Variants in PARP4 observed in about 807,000 individuals in gnomAD.
The protein encoded by PARP4 is protein mono-ADP-ribosyltransferase PARP4.
Under a neutral mutation model 187.7 loss-of-function variants are expected in PARP4, and 120 were observed. The ratio of observed to expected loss-of-function variants is 0.64; its 90% CI spans 0.55 to 0.74. PARP4 has a LOEUF of 0.74. PARP4 is among the 30% of genes least tolerant of loss of function. The pLI is 0.00. For synonymous variants in PARP4, 654 were observed against 740.9 expected (o/e 0.88, Z 1.90); for missense variants, 1,836 against 2,070.5 (o/e 0.89, Z 2.20).
chr13:24,500,247 T>G, intron 4 of PARP4, 69 bp downstream of exon 4: 1 of 779,574 alleles, frequency 1.3e-6, no homozygotes, highest in Non-Finnish European at 2.1e-6. Flanking sequence ...ATTTTAATAC[T>G]GTGCTTGAGG....
chr13:24,453,539 G>T, intron 23 of PARP4, 48 bp downstream of exon 23: 1 of 1,182,330 alleles, frequency 8.5e-7, no homozygotes, highest in Non-Finnish European at 1.3e-6. Context: ...TCCCCTTAAA[G>T]CATGGTAGGA....
In PARP4 at chr13:24,455,145, A is replaced by C; in HGVS notation, c.2630T>G (p.Val877Gly). The C allele has an allele frequency of 6.2e-7, 1 of 1,612,562 alleles. No homozygotes were observed. The highest frequency in any genetic ancestry group is 8.5e-7 in the Non-Finnish European group (1 of 1,178,758). The part of the protein sequence containing the change: ...DLPDLASESE[V>G]IICLDCSSSM... The stretch of plus-strand genomic sequence containing the variant: ...ACTGGAGCAGTCAAGACAAATAATC[A>C]CTTCGCTCTCACTGGCTAGGTCAGG... The change falls in exon 22 of 34, where the codon GTG becomes GGG. Residue 877 changes from valine to glycine, a missense_variant. Around this residue, in one of 8 missense-constraint regions of PARP4, gnomAD observed 1,147 missense variants for 1,214.2 expected, o/e 0.94. Transcript: ENST00000381989.
intron 27 of PARP4, among the ~76,000 whole-genome samples, 190 bp downstream of exon 27, chr13:24,446,491 G>A (rs372236902): frequency 6.9e-4 from 105 of 151,426 alleles, no homozygotes; most frequent in African/African-American, 2.4e-3. Context: ...AACGATAGCC[G>A]ATGAGCTGAA....
intron 1 of PARP4, among the ~76,000 whole-genome samples, chr13:24,509,693 C>T (rs1468626165): frequency 6.6e-6 from 1 of 151,802 alleles, no homozygotes; most frequent in Non-Finnish European, 1.5e-5. Context: ...AATAACCCCA[C>T]TGTTGATTTT....
chr13:24,483,024 CT>C lies in PARP4; in HGVS notation c.1448+1628del, dbSNP rs1315892007. On this transcript the variant is annotated intron_variant, in intron 12 of 33. Coordinates refer to ENST00000381989, the MANE Select transcript of PARP4 (RefSeq NM_006437.4). ...TACAGTGCTCTTTTTTTCTTCTTTT[CT>C]TTTTTTTTTTTAAGAGATTGGGTCT... Among the ~76,000 whole-genome samples, 460 of 144,296 alleles carry C rather than the reference CT, an allele frequency of 3.2e-3. 1 individual carries two copies. The highest frequency in any genetic ancestry group is 7.4e-3 in the African/African-American group (292 of 39,720). The allele number at this position is 144,296 out of a possible 152,430, so 94.7% of individuals were successfully genotyped here.
intron 16 of PARP4, among the ~76,000 whole-genome samples, chr13:24,469,397 A>T (rs916127844): frequency 6.6e-6 from 1 of 152,238 alleles, no homozygotes; most frequent in Non-Finnish European, 1.5e-5. Flanking sequence ...AAAACATAAT[A>T]ATTACTTTAA....
intron 30 of PARP4, among the ~76,000 whole-genome samples, chr13:24,438,829 G>A (rs1282098029): frequency 6.6e-6 from 1 of 152,210 alleles, no homozygotes; most frequent in Non-Finnish European, 1.5e-5. Context: ...AAACAGACCT[G>A]GATGTCCGGG....
intron 1 of PARP4, among the ~76,000 whole-genome samples, chr13:24,504,699 T>A (rs535383519): frequency 6.6e-6 from 1 of 151,758 alleles, no homozygotes; most frequent in African/African-American, 2.4e-5. Context: ...TTCCATTTTG[T>A]AAAATTTTTT....
chr13:24,503,537 T>TCACTCACTC, intron 2 of PARP4, 108 bp downstream of exon 2: 1 of 1,298,090 alleles, frequency 7.7e-7, no homozygotes, highest in East Asian at 2.3e-5. Context: ...TTCGAGTAGC[T>TCACTCACTC]CACTCACTCT....
At chr13:24,424,964 T>C (rs1036032799) in intron 33 of PARP4, among the ~76,000 whole-genome samples, 1 of 151,610 alleles carries the variant, frequency 6.6e-6, no homozygotes, top group Admixed American at 6.6e-5. Flanking sequence ...ATTACAGGCG[T>C]GAGCCACCGC....
intron 33 of PARP4, among the ~76,000 whole-genome samples, 188 bp from the exon 34 acceptor site, chr13:24,421,502 G>T (rs1392156294): frequency 1.3e-5 from 2 of 152,280 alleles, no homozygotes; most frequent in Admixed American, 1.3e-4. Context: ...GCACTGCATT[G>T]TCAAGTGCCC....
At chr13:24,476,086 C>T (rs1476502413) in intron 14 of PARP4, among the ~76,000 whole-genome samples, 1 of 151,918 alleles carries the variant, frequency 6.6e-6, no homozygotes, top group Non-Finnish European at 1.5e-5. Flanking sequence ...TACACCTGGC[C>T]TGCCTTTTTT....
intron 17 of PARP4, among the ~76,000 whole-genome samples, chr13:24,466,253 C>T (rs1343553601): frequency 6.6e-6 from 1 of 152,158 alleles, no homozygotes; most frequent in Non-Finnish European, 1.5e-5. Flanking sequence ...GCCATTATGG[C>T]TCATTGCAGC....
chr13:24,510,689 G>A (rs1377707805), intron 1 of PARP4, among the ~76,000 whole-genome samples: 1 of 147,042 alleles, frequency 6.8e-6, no homozygotes, highest in Admixed American at 6.6e-5. Flanking sequence ...GAATCAAGGA[G>A]TATAAACATT....
chr13:24,439,934 G>C (rs1870832609), intron 30 of PARP4, among the ~76,000 whole-genome samples: 1 of 152,186 alleles, frequency 6.6e-6, no homozygotes, highest in African/African-American at 2.4e-5. Context: ...GGGAGCCCAC[G>C]ATGTTGCCAA....
chr13:24,458,802 A>C (rs1042634052), intron 20 of PARP4, among the ~76,000 whole-genome samples: 1 of 152,220 alleles, frequency 6.6e-6, no homozygotes, highest in African/African-American at 2.4e-5. Context: ...AGGCGAAATC[A>C]AGAAAAAGCA....
intron 1 of PARP4, among the ~76,000 whole-genome samples, chr13:24,510,485 C>T (rs1410286589): frequency 7.2e-6 from 1 of 138,302 alleles, no homozygotes; most frequent in African/African-American, 2.8e-5. Context: ...ACCCGGGAGG[C>T]GGAGCTTGCA....
At chr13:24,467,337 G>A (rs1394645163) in intron 17 of PARP4, among the ~76,000 whole-genome samples, 1 of 152,186 alleles carries the variant, frequency 6.6e-6, no homozygotes, top group African/African-American at 2.4e-5. Context: ...TATATTAAGA[G>A]TTATAAGACA....
At chr13:24,467,905 T>C (rs1872552570) in intron 17 of PARP4, among the ~76,000 whole-genome samples, 1 of 152,220 alleles carries the variant, frequency 6.6e-6, no homozygotes, top group African/African-American at 2.4e-5. Context: ...TGGCCATACA[T>C]AGAGCCAGCA....
Sources: gnomAD v4.1 joint callset for allele counts (sites outside exome capture counted in the v4.1 genomes callset) on GRCh38, gnomAD v4.1.1 for gene constraint, gnomAD v4.1.1 regional missense constraint, MANE v1.5 for transcripts, NCBI Gene and HGNC (gene_info 2026-07-23, HGNC 2026-07-21) for gene names.